LMF1: variants seen among roughly 807,000 people sequenced by gnomAD.
LMF1 encodes lipase maturation factor 1.
In LMF1, 68 loss-of-function variants were observed where a neutral mutation model predicts 60.6. That is an observed-to-expected ratio of 1.12 (90% CI 0.92 to 1.37). LMF1 has a LOEUF of 1.37. Among genes scored for constraint, LMF1 ranks in the 40% most tolerant of loss-of-function variants. The pLI is 0.00. For synonymous variants in LMF1, 418 were observed against 324.7 expected (o/e 1.29, Z -3.09); for missense variants, 948 against 767.2 (o/e 1.24, Z -2.78).
At chr16:954,110 C>CTG in intron 2 of LMF1, 2 of 617,866 alleles carry the variant, frequency 3.2e-6, no homozygotes, top group Non-Finnish European at 6.0e-6. Context: ...CTCCAGTAAG[C>CTG]TGGCAACGCA....
intron 6 of LMF1, among the ~76,000 whole-genome samples, chr16:877,866 G>A (rs945211487): frequency 6.6e-6 from 1 of 152,144 alleles, no homozygotes; most frequent in Admixed American, 6.5e-5. Flanking sequence ...AAAGGTCAAG[G>A]TCACCAGAGT....
intron 4 of LMF1, among the ~76,000 whole-genome samples, chr16:896,336 G>T (rs1387187017): frequency 6.6e-6 from 1 of 152,232 alleles, no homozygotes; most frequent in African/African-American, 2.4e-5. Flanking sequence ...TCTGGGTCCG[G>T]CATCGCCGTC....
intron 1 of LMF1, chr16:981,053 GC>G: frequency 8.6e-6 from 2 of 232,844 alleles, no homozygotes; most frequent in Admixed American, 6.1e-5. Context: ...CCGGGACCGC[GC>G]CCCCGCCCGC....
intron 3 of LMF1, chr16:931,859 T>C: frequency 8.0e-7 from 1 of 1,243,692 alleles, no homozygotes; most frequent in Non-Finnish European, 1.0e-6. Context: ...ACATTAACAT[T>C]AATGAGTCAA....
At chr16:870,663 G>T in intron 8 of LMF1, 66 bp downstream of exon 8, 1 of 1,575,256 alleles carries the variant, frequency 6.3e-7, no homozygotes, top group Non-Finnish European at 8.7e-7. Flanking sequence ...CCACCTGAAT[G>T]TGGCTGGTCA....
At chr16:981,343 AGAGAGTGTGTGTGT>A (rs1331191643), upstream of LMF1, 120 of 232,964 alleles carry the variant, frequency 5.2e-4, no homozygotes, top group Middle Eastern at 1.4e-3. Context: ...AGAGAGAGAG[AGAGAGTGTGTGTGT>A]GTGTGTGTGT....
At chr16:872,981 G>A (rs1273965889) in intron 6 of LMF1, 1 of 152,258 alleles carries the variant, frequency 6.6e-6, no homozygotes, top group Non-Finnish European at 1.5e-5. Context: ...GGGTCATCCT[G>A]CTGTGGGCTC....
At chr16:927,108 CCTT>C (rs1209799030) in intron 3 of LMF1, among the ~76,000 whole-genome samples, 2 of 152,214 alleles carry the variant, frequency 1.3e-5, no homozygotes, top group Admixed American at 1.3e-4. Flanking sequence ...GGCAGCCTCT[CCTT>C]CTCTCATGGC....
At chr16:954,732 A>G in intron 1 of LMF1, 66 bp from the exon 2 acceptor site, 1 of 1,467,942 alleles carries the variant, frequency 6.8e-7, no homozygotes, top group Non-Finnish European at 9.1e-7. Context: ...CCATGGGCGC[A>G]GCTCAGAATG....
chr16:951,256 C>T (rs954115324), intron 2 of LMF1, among the ~76,000 whole-genome samples: 11 of 151,036 alleles, frequency 7.3e-5, no homozygotes, highest in East Asian at 2.0e-4. Flanking sequence ...AGTCAGCCAA[C>T]GACAGAGTCA....
upstream of LMF1, chr16:975,816 C>T (rs138248955): frequency 4.0e-4 from 181 of 454,154 alleles, no homozygotes; most frequent in African/African-American, 3.2e-3. Flanking sequence ...GTCTCTGGAA[C>T]GTTCCATCCT....
chr16:910,648 C>T (rs570084734), intron 4 of LMF1, among the ~76,000 whole-genome samples: 27 of 152,198 alleles, frequency 1.8e-4, no homozygotes, highest in South Asian at 1.5e-3. Flanking sequence ...GGAAGCAGGG[C>T]GTCCAGTGCT....
intron 10 of LMF1, among the ~76,000 whole-genome samples, chr16:861,090 T>C (rs2069449515): frequency 6.6e-6 from 1 of 152,188 alleles, no homozygotes. Flanking sequence ...CGTTGTTGTA[T>C]CTTCCAACCC....
chr16:898,386 T>C (rs889624267), intron 4 of LMF1, among the ~76,000 whole-genome samples: 3 of 152,244 alleles, frequency 2.0e-5, no homozygotes, highest in Non-Finnish European at 2.9e-5. Flanking sequence ...GGCACTGACT[T>C]TCTGACCAAT....
rs1391449423 is a variant in LMF1 at position 878,491 on chromosome 16, C to G, written c.897+1079G>C. On this transcript the variant is annotated intron_variant, in intron 6 of 10. Coordinates refer to ENST00000262301, the MANE Select transcript of LMF1 (RefSeq NM_022773.4). This position sits in a 1 kb window ranked among gnomAD's most constrained non-coding sequence, Gnocchi z 5.2. ...CAGGCCTGCTCACGATACAGTAGCG[C>G]CCTTGAAAATACATCCACAGGATGA... Among the ~76,000 whole-genome samples the G allele has an allele frequency of 6.6e-6, 1 of 152,162 alleles. No individual in the cohort carries two copies. The highest frequency in any genetic ancestry group is 2.4e-5 in the African/African-American group (1 of 41,422).
chr16:881,850 A>G (rs1567176415), intron 5 of LMF1, among the ~76,000 whole-genome samples: 1 of 152,108 alleles, frequency 6.6e-6, no homozygotes, highest in Non-Finnish European at 1.5e-5. Flanking sequence ...GGGGTGGGGG[A>G]CTTTAACCTC....
At chr16:858,482 T>A (rs1327900702) in intron 10 of LMF1, among the ~76,000 whole-genome samples, 1 of 31,542 alleles carries the variant, frequency 3.2e-5, no homozygotes. Context: ...CAGTGGTGAC[T>A]CGGGACGGGT....
chr16:857,337 T>A (rs1409734686), intron 10 of LMF1, among the ~76,000 whole-genome samples: 4 of 152,234 alleles, frequency 2.6e-5, no homozygotes, highest in Admixed American at 6.5e-5. Context: ...CATTTTACCC[T>A]CCCAGCAACA....
At chr16:861,354 CTTTTTT>C (rs33941455) in intron 10 of LMF1, among the ~76,000 whole-genome samples, 1 of 92,664 alleles carries the variant, frequency 1.1e-5, no homozygotes, top group Admixed American at 1.2e-4. Context: ...AATTTTCTTT[CTTTTTT>C]TTTTTTTTTT....
Sources: gnomAD v4.1 joint callset for allele counts (sites outside exome capture counted in the v4.1 genomes callset) on GRCh38, gnomAD v4.1.1 for gene constraint, Gnocchi (gnomAD v3.1) non-coding constraint, MANE v1.5 for transcripts, NCBI Gene and HGNC (gene_info 2026-07-23, HGNC 2026-07-21) for gene names.